STPG2: variants seen among roughly 807,000 people sequenced by gnomAD.
STPG2 encodes sperm-tail PG-rich repeat-containing protein 2.
Under a neutral mutation model 54.2 loss-of-function variants are expected in STPG2, and 56 were observed. That is an observed-to-expected ratio of 1.03 (90% confidence interval 0.83 to 1.29). The LOEUF is 1.29. STPG2 is among the 50% of genes most tolerant of loss of function. The pLI is 0.00. For synonymous variants in STPG2, 200 were observed against 181.8 expected, an observed-to-expected ratio of 1.10 and a Z score of -0.81; for missense variants, 596 against 544.9, an observed-to-expected ratio of 1.09 and a Z score of -0.93.
intron 8 of STPG2, among the ~76,000 whole-genome samples, chr4:97,882,228 G>A (rs546025313): frequency 1.2e-4 from 19 of 152,166 alleles, no homozygotes; most frequent in Non-Finnish European, 2.6e-4. Flanking sequence ...ACTATGGACT[G>A]TATGTTCACA....
At chr4:97,637,380 A>T (rs897617270) in intron 10 of STPG2, among the ~76,000 whole-genome samples, 9 of 152,196 alleles carry the variant, frequency 5.9e-5, no homozygotes, top group African/African-American at 2.2e-4. Context: ...ACCCACAGCC[A>T]ATATCATACT....
intron 8 of STPG2, among the ~76,000 whole-genome samples, chr4:97,923,988 C>A (rs1041673801): frequency 6.6e-6 from 1 of 152,188 alleles, no homozygotes; most frequent in Non-Finnish European, 1.5e-5. Context: ...CCAGCAGTGG[C>A]AACCCACTTG....
intron 5 of STPG2, among the ~76,000 whole-genome samples, chr4:98,016,059 G>A (rs1405526121): frequency 6.6e-6 from 1 of 152,162 alleles, no homozygotes; most frequent in Non-Finnish European, 1.5e-5. Context: ...GCCTGTGTGG[G>A]GGTGGAAGGC....
intron 4 of STPG2, among the ~76,000 whole-genome samples, chr4:97,527,642 AC>A (rs1425921314): frequency 8.5e-5 from 13 of 152,214 alleles, no homozygotes; most frequent in African/African-American, 2.6e-4. Flanking sequence ...CTATTTATTC[AC>A]ATCCTCTCCA....
At chr4:97,751,520 T>A (rs1725580252) in intron 9 of STPG2, among the ~76,000 whole-genome samples, 1 of 151,754 alleles carries the variant, frequency 6.6e-6, no homozygotes, top group African/African-American at 2.4e-5. Context: ...AAGGGGGAGA[T>A]TAAGGTTCAA....
intron 7 of STPG2, among the ~76,000 whole-genome samples, chr4:97,958,431 A>G (rs112531498): frequency 6.6e-6 from 1 of 152,224 alleles, no homozygotes; most frequent in Non-Finnish European, 1.5e-5. Context: ...TGCTCCATTT[A>G]AAAAATACAG....
chr4:97,843,888 C>A (rs1728870569), intron 8 of STPG2, among the ~76,000 whole-genome samples: 1 of 151,684 alleles, frequency 6.6e-6, no homozygotes, highest in Non-Finnish European at 1.5e-5. Context: ...GACCTGTAAC[C>A]CCAGAGACCA....
intron 5 of STPG2, among the ~76,000 whole-genome samples, chr4:98,102,727 T>C (rs1364438518): frequency 1.3e-5 from 2 of 151,522 alleles, no homozygotes; most frequent in African/African-American, 4.8e-5. Context: ...CAATCGACCA[T>C]CTGATTTTTC....
At chr4:97,639,510 A>T (rs987303933) in intron 10 of STPG2, among the ~76,000 whole-genome samples, 11 of 145,788 alleles carry the variant, frequency 7.5e-5, no homozygotes, top group African/African-American at 2.0e-4. Flanking sequence ...AAAATAAATT[A>T]AAAAAAAAAA....
intron 5 of STPG2, among the ~76,000 whole-genome samples, chr4:98,023,887 G>T (rs182533148): frequency 1.3e-5 from 2 of 152,106 alleles, no homozygotes; most frequent in Non-Finnish European, 2.9e-5. Context: ...TTGGAAAAGC[G>T]CAGTATTAGG....
At chr4:97,685,906 A>G (rs1360704986) in intron 10 of STPG2, among the ~76,000 whole-genome samples, 2 of 152,230 alleles carry the variant, frequency 1.3e-5, no homozygotes, top group Non-Finnish European at 2.9e-5. Flanking sequence ...AGTGTGCAAC[A>G]CAAAGAATAG....
At chr4:97,677,693 A>G (rs1174158922) in intron 10 of STPG2, among the ~76,000 whole-genome samples, 1 of 152,166 alleles carries the variant, frequency 6.6e-6, no homozygotes, top group East Asian at 1.9e-4. Flanking sequence ...TAGAACTTAG[A>G]TGTTATGTCG....
intron 8 of STPG2, among the ~76,000 whole-genome samples, chr4:97,898,424 T>G (rs1389426618): frequency 4.0e-5 from 6 of 151,728 alleles, no homozygotes; most frequent in African/African-American, 1.4e-4. Flanking sequence ...ATCCTTCACT[T>G]CATTTTAATA....
At chr4:97,822,034 TC>T (rs1200734514) in intron 9 of STPG2, among the ~76,000 whole-genome samples, 2 of 152,252 alleles carry the variant, frequency 1.3e-5, no homozygotes, top group Non-Finnish European at 2.9e-5. Context: ...TAATGCTTTT[TC>T]TTTCTCTGCT....
intron 4 of STPG2, among the ~76,000 whole-genome samples, chr4:97,508,507 A>G (rs1056076733): frequency 3.9e-5 from 6 of 152,126 alleles, no homozygotes; most frequent in African/African-American, 1.4e-4. Flanking sequence ...CAATATATGT[A>G]CAGGTAAAAA....
At chr4:97,862,925 T>C (rs1251999642) in intron 8 of STPG2, among the ~76,000 whole-genome samples, 1 of 152,010 alleles carries the variant, frequency 6.6e-6, no homozygotes, top group East Asian at 1.9e-4. Flanking sequence ...CATACCAGAA[T>C]CTCTGGGACA....
intron 8 of STPG2, among the ~76,000 whole-genome samples, chr4:97,927,230 A>G (rs1266702486): frequency 6.6e-6 from 1 of 152,252 alleles, no homozygotes; most frequent in African/African-American, 2.4e-5. Context: ...ATTATAACTG[A>G]TAAGTGATAC....
intron 4 of STPG2, among the ~76,000 whole-genome samples, chr4:97,473,187 G>A (rs1366858008): frequency 1.3e-5 from 2 of 152,110 alleles, no homozygotes; most frequent in African/African-American, 4.8e-5. Flanking sequence ...CTTGAAAAAA[G>A]AACAGGATAA....
rs575535173 is a variant in STPG2, at chr4:97,591,880, AT to A, written c.1321-32764del. 9.2e-5 allele frequency among the ~76,000 whole-genome samples: 14 copies of A among 152,208 alleles called. No individual in the cohort carries two copies. The South Asian group carries it at 2.1e-3, about 22-fold the overall frequency. On this transcript the variant is annotated intron_variant, in intron 10 of 10. Transcript: ENST00000295268. ...TGCGATTCATAAGAAATGCTAAAAA[AT>A]ATGCTCTTAACTAGATGTTCTTTTT... is the stretch of plus-strand genomic sequence containing the variant.
Sources: allele counts gnomAD v4.1 joint callset (sites outside exome capture counted in the v4.1 genomes callset), GRCh38; gene constraint gnomAD v4.1.1; transcripts MANE v1.5; gene names NCBI Gene and HGNC (gene_info 2026-07-23, HGNC 2026-07-21).